The following CARD10 variants were observed in gnomAD, a reference collection of about 807,000 sequenced individuals.
CARD10 encodes caspase recruitment domain family member 10, also known as caspase recruitment domain-containing protein 10.
CARD10 carries 49 observed loss-of-function variants against 114.6 expected under a neutral mutation model. The observed-to-expected ratio is 0.43, with a 90% CI of 0.34 to 0.54. The LOEUF (loss-of-function observed/expected upper bound fraction) is 0.54. Among genes scored for constraint, CARD10 ranks in the 20% least tolerant of loss-of-function variants. CARD10 has a pLI of 0.03. For synonymous variants in CARD10, 602 were observed against 593.2 expected, an observed-to-expected ratio of 1.01 and a Z score of -0.21; for missense variants, 1,206 against 1,397.2, an observed-to-expected ratio of 0.86 and a Z score of 2.18.
intron 7 of CARD10, among the ~76,000 whole-genome samples, chr22:37,505,143 G>C (rs1285948688): frequency 6.6e-6 from 1 of 152,130 alleles, no homozygotes; most frequent in Non-Finnish European, 1.5e-5. Flanking sequence ...AGGCAGGACT[G>C]TGATGCATTC....
At chr22:37,517,820 TG>T in intron 2 of CARD10, 150 bp downstream of exon 2, 2 of 979,838 alleles carry the variant, frequency 2.0e-6, no homozygotes, top group Non-Finnish European at 2.9e-6. Flanking sequence ...CAGCCTACCG[TG>T]GGGCCCTGGG....
At chr22:37,498,562 G>A (rs962186315) in intron 11 of CARD10, among the ~76,000 whole-genome samples, 1 of 152,194 alleles carries the variant, frequency 6.6e-6, no homozygotes, top group African/African-American at 2.4e-5. Context: ...GGAGGGCGCG[G>A]CTGCAAGGAC....
intron 2 of CARD10, 129 bp from the exon 3 acceptor site, chr22:37,516,427 G>T (rs1418209524): frequency 1.5e-6 from 1 of 649,170 alleles, no homozygotes; most frequent in African/African-American, 1.8e-5. Context: ...TTGTAGAATT[G>T]GGAGCAGGGG....
In CARD10 at chr22:37,497,060, C is replaced by T; in HGVS notation, c.1906G>A (p.Val636Met). ...DRWSGAVVRRVLSGPGSARME... is the reference protein window; with the variant it reads ...DRWSGAVVRRMLSGPGSARME... ...CTGGCGGACCCAGGCCCAGACAGCA[C>T]CCTGCGCACCACAGCCCCAGACCAT... The change falls in exon 12 of 20, where the codon GTG (valine) becomes ATG (methionine). Residue 636 changes from valine to methionine, a missense_variant. Transcript: ENST00000251973. 1 of 1,614,104 alleles carries T rather than the reference C, an allele frequency of 6.2e-7. No homozygotes were observed. Among genetic ancestry groups the T allele is most frequent in the Non-Finnish European group, 8.5e-7 (1 of 1,180,014 alleles).
chr22:37,515,577 A>C (rs1158544807), intron 3 of CARD10, among the ~76,000 whole-genome samples: 1 of 151,960 alleles, frequency 6.6e-6, no homozygotes, highest in Non-Finnish European at 1.5e-5. Context: ...AAAAAAAAAA[A>C]AAAAAACAAC....
In CARD10 at chr22:37,491,146, T is replaced by C; in HGVS notation, c.*13A>G. ...CGCTGGCTTGGGGAGAAGGTGCAGG[T>C]ATCAGATGAGCCTCAGGCCTCACTG... is the stretch of plus-strand genomic sequence containing the variant. On this transcript the variant is annotated 3_prime_UTR_variant, in exon 20 of 20. Coordinates refer to ENST00000251973, the MANE Select transcript of CARD10 (RefSeq NM_014550.4). The C allele has an allele frequency of 6.5e-7, 1 of 1,539,570 alleles. No homozygotes were observed. The highest frequency in any genetic ancestry group is 8.8e-7 in the Non-Finnish European group (1 of 1,138,640).
rs557601900 is a variant in CARD10 at position 37,501,281 on chromosome 22, G to T, written c.1787+1321C>A. On this transcript the variant is annotated intron_variant, in intron 11 of 19. Transcript: ENST00000251973. The surrounding 1 kb of genome is among the most constrained non-coding windows in gnomAD (Gnocchi z 5.4). ...TGATCGTGGGGCCTGGGCGGGGCTG[G>T]GACGGAGGCTCCTGCTCCCTGGCTG... Among the ~76,000 whole-genome samples, 5 of 152,268 alleles carry T rather than the reference G, an allele frequency of 3.3e-5. No homozygotes were observed. Among genetic ancestry groups the T allele is most frequent in the Admixed American group, 2.0e-4 (3 of 15,294 alleles).
chr22:37,491,649 G>A, intron 19 of CARD10, 106 bp downstream of exon 19: 7 of 439,784 alleles, frequency 1.6e-5, no homozygotes, highest in Admixed American at 1.5e-4. Context: ...AGAGGGGGAG[G>A]GAGAAAGAGG....
In CARD10 at chr22:37,519,166, TCCTCGGCCTCCC is replaced by T. The variant is rs763244613; in HGVS notation, c.23_34del (p.Gly8_Glu11del). ...AGACCCCGAGCCGGCCCCGGCCTCCTCCTCGGCCTCCCCCGCCTCCGCCCGGCCCGGCATGGC... is the reference window on the plus strand; with the variant it reads ...AGACCCCGAGCCGGCCCCGGCCTCCTCCGCCTCCGCCCGGCCCGGCATGGC... On this transcript the variant is annotated inframe_deletion, in exon 1 of 20. Transcript: ENST00000251973. The surrounding 1 kb of genome is among the most constrained non-coding windows in gnomAD (Gnocchi z 4.1). The T allele has an allele frequency of 3.3e-6, 5 of 1,537,186 alleles. No homozygotes were observed. In the East Asian group the frequency reaches 9.8e-5, roughly 30 times the overall value.
intron 4 of CARD10, 142 bp from the exon 5 acceptor site, chr22:37,508,824 T>G: frequency 8.2e-7 from 1 of 1,221,926 alleles, no homozygotes. Context: ...CGACCCTCTC[T>G]GGATCTCTGT....
chr22:37,491,233 G>A lies in CARD10; in HGVS notation c.3025C>T (p.Leu1009=). ...ELAKVVRGRI[L]QEQARLVWVE... ...CACACGAGGCGGGCCTGCTCCTGCAGGATGCGGCCGCGCACCACCTTGGCC... is the reference window on the plus strand; with the variant it reads ...CACACGAGGCGGGCCTGCTCCTGCAAGATGCGGCCGCGCACCACCTTGGCC... The change falls in exon 20 of 20, where the codon CTG becomes TTG. Residue 1009 remains leucine, a synonymous_variant. Transcript: ENST00000251973. The A allele has an allele frequency of 6.4e-7, 1 of 1,566,792 alleles. No homozygotes were observed. Among genetic ancestry groups the A allele is most frequent in the Non-Finnish European group, 8.6e-7 (1 of 1,160,510 alleles).
Position 37,508,577 on chromosome 22 carries a change from G to C in CARD10, c.1015C>G (p.Leu339Val). ...TGCAGCTCCCCCTGCACGGCATGCA[G>C]CTTCTGGCACAGCTCCTGCCTGCTG... ...QDSRQELCQK[L>V]HAVQGELQWA... Residue 339 changes from leucine (L) to valine (V), a missense_variant, in exon 5 of 20, where the codon CTG becomes GTG. Leu to Val is a conservative substitution (Grantham distance 32). Around this residue, in one of 2 missense-constraint regions of CARD10, gnomAD observed 1,068 missense variants for 1,179.1 expected, o/e 0.91. Transcript: ENST00000251973. The C allele has an allele frequency of 6.3e-7, 1 of 1,597,268 alleles. No homozygotes were observed. The highest frequency in any genetic ancestry group is 8.5e-7 in the Non-Finnish European group (1 of 1,177,280).
chr22:37,495,617 A>G (rs1307054095), intron 14 of CARD10, 31 bp from the exon 15 acceptor site: 2 of 1,612,574 alleles, frequency 1.2e-6, no homozygotes, highest in Non-Finnish European at 1.7e-6. Context: ...ATGTGTGTAG[A>G]AAGAAGGAAA....
rs1923682782 is a variant in CARD10 at position 37,512,396 on chromosome 22, C to A, written c.700-1975G>T. Reference sequence around the variant, plus strand: ...TGCAATATTTGGTGCCCTAGGAGTCCCCTGGCCTCTCTTGGAAAGTGACTT... The same window carrying A: ...TGCAATATTTGGTGCCCTAGGAGTCACCTGGCCTCTCTTGGAAAGTGACTT... On this transcript the variant is annotated intron_variant, in intron 3 of 19. Transcript: ENST00000251973. Among the ~76,000 whole-genome samples, 5 of 151,192 alleles carry A rather than the reference C, an allele frequency of 3.3e-5. No homozygotes were observed. The South Asian group carries it at 1.0e-3, about 32-fold the overall frequency.
intron 3 of CARD10, 45 bp downstream of exon 3, chr22:37,515,928 G>T (rs574318072): frequency 1.4e-6 from 2 of 1,465,920 alleles, no homozygotes; most frequent in South Asian, 2.7e-5. Context: ...CATTGCAAAA[G>T]CTGCCCCTTC....
intron 4 of CARD10, among the ~76,000 whole-genome samples, chr22:37,509,353 G>A (rs1184273409): frequency 2.0e-5 from 3 of 152,098 alleles, no homozygotes; most frequent in Non-Finnish European, 2.9e-5. Flanking sequence ...TCAAAATCAG[G>A]GGGGCAGTTT....
At position 37,495,901 on chromosome 22, in the gene CARD10, G is replaced by A. The variant is rs1922987521; in HGVS notation, c.2162C>T (p.Pro721Leu). 1 of 1,614,160 alleles carries A rather than the reference G, an allele frequency of 6.2e-7. No homozygotes were observed. Among genetic ancestry groups the A allele is most frequent in the Admixed American group, 1.7e-5 (1 of 60,032 alleles). Residue 721 changes from proline to leucine, a missense_variant, in exon 14 of 20, where the codon CCC (proline) becomes CTC (leucine). Transcript: ENST00000251973. The stretch of plus-strand genomic sequence containing the variant: ...TTGGGCTTTCACGCAAAGGGCATGG[G>A]GATCTGCCCTCTCAGGCAAGGTGAG... Reference protein sequence around the residue: ...ANLTLPERADPHALCVKAQEI... With the variant: ...ANLTLPERADLHALCVKAQEI...
rs774218700 is a variant in CARD10, at chr22:37,502,519, G to A, written c.1787+83C>T. On this transcript the variant is annotated intron_variant, in intron 11 of 19. Coordinates refer to ENST00000251973, the MANE Select transcript of CARD10 (RefSeq NM_014550.4). ...TCCAATAGTTGCATAAAACAGGGGC[G>A]AGGCAATTGCTCCTCCCACCTCACT... 2.3e-5 allele frequency: 33 copies of A among 1,456,894 alleles called. 1 individual carries two copies. The highest frequency in any genetic ancestry group is 2.1e-4 in the South Asian group (16 of 76,316). The allele number at this position is 1,456,894 out of a possible 1,614,324, so 90.2% of individuals were successfully genotyped here. A position where few individuals can be genotyped will look rare whatever the true frequency, so the allele number is the denominator to read the frequency against.
chr22:37,512,520 C>CAT (rs1923698546), intron 3 of CARD10, among the ~76,000 whole-genome samples: 1 of 146,726 alleles, frequency 6.8e-6, no homozygotes, highest in Non-Finnish European at 1.5e-5. Flanking sequence ...CACACACACA[C>CAT]GGGTCTGGAG....
Sources: allele counts gnomAD v4.1 joint callset (sites outside exome capture counted in the v4.1 genomes callset), GRCh38; gene constraint gnomAD v4.1.1; regional missense constraint gnomAD v4.1.1; non-coding constraint Gnocchi (gnomAD v3.1); transcripts MANE v1.5; gene names NCBI Gene and HGNC (gene_info 2026-07-23, HGNC 2026-07-21).